Variants in ABCA13 observed in about 807,000 individuals in gnomAD.
The protein encoded by ABCA13 is ATP-binding cassette sub-family A member 13.
A neutral mutation model predicts 478.7 loss-of-function variants in ABCA13; 476 were observed. That is an observed-to-expected ratio of 0.99 (90% CI 0.92 to 1.07). The LOEUF (loss-of-function observed/expected upper bound fraction) is 1.07. Ranked by LOEUF, ABCA13 falls within the 50% of genes least tolerant of loss-of-function variation. The probability of loss-of-function intolerance (pLI) is 0.00; values close to 1 mark genes in which losing one functional copy is unlikely to be tolerated. For missense variants in ABCA13, 6,060 were observed against 5,910.6 expected (o/e 1.03, Z -0.83); for synonymous variants, 2,252 against 2,158.9 (o/e 1.04, Z -1.20).
At chr7:48,179,716 C>T (rs1286171259) in intron 1 of ABCA13, among the ~76,000 whole-genome samples, 1 of 152,216 alleles carries the variant, frequency 6.6e-6, no homozygotes, top group African/African-American at 2.4e-5. Context: ...TGTCAGCTCA[C>T]AGGGCCTGCT....
intron 27 of ABCA13, among the ~76,000 whole-genome samples, chr7:48,321,105 G>C (rs1231375163): frequency 6.6e-6 from 1 of 152,112 alleles, no homozygotes; most frequent in Non-Finnish European, 1.5e-5. Flanking sequence ...ACCGGGGTGG[G>C]GTTGGAGAAA....
chr7:48,390,205 G>A (rs982588065), intron 37 of ABCA13, among the ~76,000 whole-genome samples: 4 of 152,200 alleles, frequency 2.6e-5, no homozygotes, highest in Non-Finnish European at 4.4e-5. Flanking sequence ...TTAGCAGAAT[G>A]ATGAGAATTG....
intron 3 of ABCA13, among the ~76,000 whole-genome samples, chr7:48,215,819 T>A (rs1786377091): frequency 6.6e-6 from 1 of 152,232 alleles, no homozygotes; most frequent in South Asian, 2.1e-4. Context: ...CGATAGATTT[T>A]ACTATTCTGG....
intron 35 of ABCA13, among the ~76,000 whole-genome samples, chr7:48,379,847 T>G (rs1431316412): frequency 5.3e-5 from 8 of 152,180 alleles, no homozygotes; most frequent in Admixed American, 5.2e-4. Flanking sequence ...TTAAAAGTAA[T>G]CAGGAAATTC....
Position 48,522,288 on chromosome 7 carries a change from ACTTCCTTGCTGTC to A in ABCA13, c.14052-1954_14052-1942del, listed in dbSNP as rs1184894462. Among the ~76,000 whole-genome samples, 5 of 152,236 alleles carry A rather than the reference ACTTCCTTGCTGTC, an allele frequency of 3.3e-5. No individual in the cohort carries two copies. In the South Asian group the frequency reaches 6.2e-4, roughly 19 times the overall value. On this transcript the variant is annotated intron_variant, in intron 53 of 61. Transcript: ENST00000435803. ...TGCTGGACATGAGTGCTGAGATCCC[ACTTCCTTGCTGTC>A]CTTCCCTAACCTGCGCTGACTCCTG...
At position 48,224,146 on chromosome 7, in the gene ABCA13, T is replaced by C. The variant is rs116410355; in HGVS notation, c.468+2837T>C. On this transcript the variant is annotated intron_variant, in intron 5 of 61. Coordinates refer to ENST00000435803, the MANE Select transcript of ABCA13 (RefSeq NM_152701.5). Reference sequence around the variant, plus strand: ...CTCTCTAATTTCTCCCCAGCTAAGATGGACAGTTCCCCGAGAGCTCAGACA... The same window carrying C: ...CTCTCTAATTTCTCCCCAGCTAAGACGGACAGTTCCCCGAGAGCTCAGACA... Among the ~76,000 whole-genome samples the C allele has an allele frequency of 6.1e-3, 926 of 152,226 alleles. 5 individuals are homozygous for C. Among genetic ancestry groups the C allele is most frequent in the African/African-American group, 0.019 (781 of 41,548 alleles).
intron 3 of ABCA13, among the ~76,000 whole-genome samples, chr7:48,216,672 A>G (rs1256238536): frequency 6.6e-6 from 1 of 151,834 alleles, no homozygotes; most frequent in Non-Finnish European, 1.5e-5. Flanking sequence ...ACCTTCAATC[A>G]TAAGGATTTC....
In ABCA13 at chr7:48,580,300, G is replaced by A. The variant is rs758091800; in HGVS notation, c.14431G>A (p.Glu4811Lys). 32 of 1,612,706 alleles carry A rather than the reference G, an allele frequency of 2.0e-5. No individual in the cohort carries two copies. Among genetic ancestry groups the A allele is most frequent in the Non-Finnish European group, 2.6e-5 (31 of 1,179,432 alleles). The change falls in exon 56 of 62, where the codon GAG becomes AAG. Residue 4811 changes from glutamate to lysine, a missense_variant. Around this residue, in one of 3 missense-constraint regions of ABCA13, gnomAD observed 1,627 missense variants for 1,571.0 expected, o/e 1.04. Coordinates refer to ENST00000435803, the MANE Select transcript of ABCA13 (RefSeq NM_152701.5). ...CTGTCCCCAGCAGGATGCCCTGGACGAGCTTCTGACTGGTTGGGAACATCT... is the reference window on the plus strand; with the variant it reads ...CTGTCCCCAGCAGGATGCCCTGGACAAGCTTCTGACTGGTTGGGAACATCT... The part of the protein sequence containing the change: ...GYCPQQDALD[E>K]LLTGWEHLYY...
At position 48,278,875 on chromosome 7, in the gene ABCA13, A is replaced by G. The variant is rs765906508; in HGVS notation, c.7681A>G (p.Ile2561Val). The G allele has an allele frequency of 6.2e-6, 10 of 1,613,482 alleles. No individual in the cohort carries two copies. The South Asian group carries it at 6.6e-5, about 11-fold the overall frequency. The change falls in exon 18 of 62, where the codon ATC (isoleucine) becomes GTC (valine). Residue 2561 changes from isoleucine to valine, a missense_variant. Around this residue, in one of 3 missense-constraint regions of ABCA13, gnomAD observed 4,423 missense variants for 4,309.1 expected, o/e 1.03. Transcript: ENST00000435803. ...GAAATTCTTTGACACTCTGTATTCC[A>G]TCATGCAACAAAGTGTTCAAAATCT... ...SVKFFDTLYS[I>V]MQQSVQNLVK... is the part of the protein sequence containing the mutation.
At chr7:48,229,498 C>G (rs1387929683) in intron 6 of ABCA13, among the ~76,000 whole-genome samples, 2 of 152,204 alleles carry the variant, frequency 1.3e-5, no homozygotes, top group East Asian at 3.8e-4. Flanking sequence ...CATCAGCTGC[C>G]CTGCGGCAGG....
intron 27 of ABCA13, among the ~76,000 whole-genome samples, chr7:48,320,338 TG>T (rs775095167): frequency 6.6e-6 from 1 of 152,230 alleles, no homozygotes; most frequent in African/African-American, 2.4e-5. Flanking sequence ...TTTTAACTTT[TG>T]TTTTACTGTT....
intron 55 of ABCA13, among the ~76,000 whole-genome samples, chr7:48,561,996 C>T (rs1786506088): frequency 6.6e-6 from 1 of 151,722 alleles, no homozygotes; most frequent in African/African-American, 2.4e-5. Context: ...GAAAACAGGC[C>T]CCGTCTCATA....
At position 48,425,510 on chromosome 7, in the gene ABCA13, G is replaced by A. The variant is rs78440187; in HGVS notation, c.12460-2256G>A. On this transcript the variant is annotated intron_variant, in intron 41 of 61. Coordinates refer to ENST00000435803, the MANE Select transcript of ABCA13 (RefSeq NM_152701.5). Reference sequence around the variant, plus strand: ...ACTAGGTGAAGACTTACTGCACTAAGCCTCAGTGCCCTCATCTTAAGCAAG... The same window carrying A: ...ACTAGGTGAAGACTTACTGCACTAAACCTCAGTGCCCTCATCTTAAGCAAG... Among the ~76,000 whole-genome samples the A allele has an allele frequency of 2.2e-3, 338 of 152,082 alleles. 1 individual carries two copies. Among genetic ancestry groups the A allele is most frequent in the South Asian group, 4.4e-3 (21 of 4,808 alleles).
chr7:48,410,093 C>CAAAAAAAAAAAAAAA (rs58724216), intron 39 of ABCA13, among the ~76,000 whole-genome samples: 2 of 67,196 alleles, frequency 3.0e-5, no homozygotes, highest in East Asian at 4.1e-4. Context: ...GACTCCATCT[C>CAAAAAAAAAAAAAAA]AAAAAAAAAA....
rs574153601 is a variant in ABCA13 at position 48,175,130 on chromosome 7, C to T, written c.69+3578C>T. Among the ~76,000 whole-genome samples, 8 of 152,338 alleles carry T rather than the reference C, an allele frequency of 5.3e-5. No individual in the cohort carries two copies. In the East Asian group the frequency reaches 1.4e-3, roughly 26 times the overall value. On this transcript the variant is annotated intron_variant, in intron 1 of 61. Coordinates refer to ENST00000435803, the MANE Select transcript of ABCA13 (RefSeq NM_152701.5). ...ATCAACATTGGCAAATATTCAGTGGCTTTGAGCCATGCTTTTCCACATGAA... is the reference window on the plus strand; with the variant it reads ...ATCAACATTGGCAAATATTCAGTGGTTTTGAGCCATGCTTTTCCACATGAA...
In ABCA13 at chr7:48,511,198, G is replaced by C. The variant is rs758968881; in HGVS notation, c.13639G>C (p.Gly4547Arg). 4 of 1,606,786 alleles carry C rather than the reference G, an allele frequency of 2.5e-6. No homozygotes were observed. The highest frequency in any genetic ancestry group is 1.7e-5 in the Admixed American group (1 of 58,640). ...AATALLLSLF[G>R]YATLPWMYLM... is the part of the protein sequence containing the mutation. ...CACGGCCCTCCTGCTGTCACTTTTC[G>C]GGTATGTGATGAGAAACGCTGCTGC... Residue 4547 changes from glycine to arginine, a missense_variant and splice_region_variant, in exon 51 of 62, where the codon GGA becomes CGA. Physicochemically the swap from Gly to Arg is moderately radical, Grantham distance 125 (BLOSUM62 -2). Transcript: ENST00000435803.
intron 20 of ABCA13, 91 bp downstream of exon 20, chr7:48,288,169 C>A: frequency 8.8e-7 from 1 of 1,134,046 alleles, no homozygotes; most frequent in South Asian, 1.3e-5. Flanking sequence ...CTGCTTCGTT[C>A]TTATAACTAC....
At chr7:48,464,572 A>G (rs950822728) in intron 43 of ABCA13, among the ~76,000 whole-genome samples, 1 of 152,256 alleles carries the variant, frequency 6.6e-6, no homozygotes, top group African/African-American at 2.4e-5. Flanking sequence ...CAGCAGAAAT[A>G]TAATACTAAT....
In ABCA13 at chr7:48,276,557, A is replaced by C. The variant is rs1404654005; in HGVS notation, c.6891A>C (p.Ala2297=). ...LLKYFHKDVI[A]EMSFVPKDKI... ...AATATTTCCACAAAGATGTTATTGCAGAGATGAGGTGAGTATACTTTTGCT... is the reference window on the plus strand; with the variant it reads ...AATATTTCCACAAAGATGTTATTGCCGAGATGAGGTGAGTATACTTTTGCT... The change falls in exon 17 of 62, where the codon GCA becomes GCC. Residue 2297 remains alanine (A), a synonymous_variant. Coordinates refer to ENST00000435803, the MANE Select transcript of ABCA13 (RefSeq NM_152701.5). 2.5e-6 allele frequency: 4 copies of C among 1,611,040 alleles called. No homozygotes were observed.
Sources: allele counts gnomAD v4.1 joint callset (sites outside exome capture counted in the v4.1 genomes callset), GRCh38; gene constraint gnomAD v4.1.1; regional missense constraint gnomAD v4.1.1; transcripts MANE v1.5; gene names NCBI Gene and HGNC (gene_info 2026-07-23, HGNC 2026-07-21).